ATP8B1: variants seen among roughly 807,000 people sequenced by gnomAD.
The protein encoded by ATP8B1 is ATPase phospholipid transporting 8B1.
A neutral mutation model predicts 149.9 loss-of-function variants in ATP8B1; 80 were observed. That is an observed-to-expected ratio of 0.53 (90% CI 0.45 to 0.64). ATP8B1 has a LOEUF of 0.64. Among genes scored for constraint, ATP8B1 ranks in the 30% least tolerant of loss-of-function variants. ATP8B1 has a pLI of 0.00. For missense variants in ATP8B1, 1,247 were observed against 1,552.6 expected, an observed-to-expected ratio of 0.80 and a Z score of 3.31; for synonymous variants, 536 against 562.8, an observed-to-expected ratio of 0.95 and a Z score of 0.67.
chr18:57,727,037 G>T (rs1473245533), intron 2 of ATP8B1, among the ~76,000 whole-genome samples: 2 of 152,090 alleles, frequency 1.3e-5, no homozygotes, highest in Middle Eastern at 3.2e-3. Flanking sequence ...CTGAGATCAC[G>T]CCACTTCACT....
intron 2 of ATP8B1, among the ~76,000 whole-genome samples, chr18:57,713,211 CCTTCCTTCCTTCCTTCCTTCCT>C (rs1913800452): frequency 8.0e-6 from 1 of 125,758 alleles, no homozygotes; most frequent in African/African-American, 3.2e-5. Context: ...TTCCTTCCTT[CCTTCCTTCCTTCCTTCCTTCCT>C]TCCTTCCTTC....
intron 1 of ATP8B1, chr18:57,740,764 T>A (rs539165911): frequency 6.6e-6 from 1 of 152,186 alleles, no homozygotes; most frequent in South Asian, 2.1e-4. Context: ...TTAGTAGAGA[T>A]GAGGTCTTGC....
chr18:57,649,322 A>G (rs939599146), intron 27 of ATP8B1, among the ~76,000 whole-genome samples: 3 of 152,104 alleles, frequency 2.0e-5, no homozygotes, highest in Admixed American at 2.0e-4. Context: ...ACCTGGAGAT[A>G]TATATTGAAG....
At chr18:57,736,453 GTTTTTTTT>G (rs71171079) in intron 1 of ATP8B1, among the ~76,000 whole-genome samples, 3 of 70,142 alleles carry the variant, frequency 4.3e-5, no homozygotes, top group African/African-American at 1.0e-4. Flanking sequence ...AGTTTTACTA[GTTTTTTTT>G]TTTTTTTTTT....
At chr18:57,756,089 A>G (rs1362052494) in intron 1 of ATP8B1, among the ~76,000 whole-genome samples, 1 of 150,552 alleles carries the variant, frequency 6.6e-6, no homozygotes, top group African/African-American at 2.5e-5. Context: ...CATTGACCCA[A>G]TGATGTCAGT....
In ATP8B1 at chr18:57,680,613, A is replaced by AC. The variant is rs1276207599; in HGVS notation, c.1630+3422_1630+3423insG. 6.6e-4 allele frequency among the ~76,000 whole-genome samples: 99 copies of AC among 150,706 alleles called. 2 individuals carry two copies. The highest frequency in any genetic ancestry group is 2.2e-3 in the African/African-American group (92 of 40,936). ...AACAAAACAAAACAAAACAAAACAA[A>AC]ACAAAAAAAAAACCACACACGCTCA... On this transcript the variant is annotated intron_variant, in intron 15 of 27. Transcript: ENST00000648908.
intron 2 of ATP8B1, among the ~76,000 whole-genome samples, chr18:57,724,620 T>C (rs1251253278): frequency 6.7e-6 from 1 of 149,456 alleles, no homozygotes; most frequent in Non-Finnish European, 1.5e-5. Flanking sequence ...GGAGAGGATG[T>C]GGAGAAATAG....
intron 2 of ATP8B1, among the ~76,000 whole-genome samples, chr18:57,727,891 C>G (rs2079724658): frequency 6.6e-6 from 1 of 152,202 alleles, no homozygotes; most frequent in Non-Finnish European, 1.5e-5. Flanking sequence ...AACGACAGAG[C>G]TCATCCCATA....
Position 57,789,581 on chromosome 18 carries a change from C to T in ATP8B1, c.-26+13417G>A, listed in dbSNP as rs1488868122. Among the ~76,000 whole-genome samples the T allele has an allele frequency of 4.6e-5, 7 of 152,250 alleles. No homozygotes were observed. In the East Asian group the frequency reaches 5.8e-4, roughly 13 times the overall value. On this transcript the variant is annotated intron_variant, in intron 1 of 27. Transcript: ENST00000648908. ...GGCCACACAAGCCAATTTTAAAAGT[C>T]GGTTTTCCACAAGAAATTCCCTGGC... is the stretch of plus-strand genomic sequence containing the variant.
intron 16 of ATP8B1, 132 bp downstream of exon 16, chr18:57,674,702 G>T: frequency 9.3e-7 from 1 of 1,077,516 alleles, no homozygotes; most frequent in South Asian, 1.3e-5. Flanking sequence ...ACCAGTTTCA[G>T]TAAAGCTGCA....
intron 1 of ATP8B1, among the ~76,000 whole-genome samples, chr18:57,748,855 A>G (rs1486517731): frequency 3.3e-5 from 5 of 152,216 alleles, no homozygotes; most frequent in Non-Finnish European, 7.3e-5. Flanking sequence ...AGTTATTTGC[A>G]GAGAATAATC....
intron 2 of ATP8B1, among the ~76,000 whole-genome samples, chr18:57,717,616 C>T (rs2079596479): frequency 7.6e-6 from 1 of 131,888 alleles, no homozygotes; most frequent in Non-Finnish European, 1.6e-5. Flanking sequence ...GCAAACCAAA[C>T]CCAAAGTTAC....
chr18:57,670,355 C>CTTTTTTTT (rs370444079), intron 17 of ATP8B1, among the ~76,000 whole-genome samples: 4 of 139,696 alleles, frequency 2.9e-5, no homozygotes, highest in Non-Finnish European at 6.2e-5. Context: ...TTTTCTTTTT[C>CTTTTTTTT]TTTTTTTTTT....
intron 1 of ATP8B1, among the ~76,000 whole-genome samples, chr18:57,758,111 A>T (rs28635919): frequency 4.3e-4 from 65 of 152,072 alleles, no homozygotes; most frequent in African/African-American, 1.5e-3. Context: ...CTCCCACCTC[A>T]GTCTCCCGAA....
intron 1 of ATP8B1, among the ~76,000 whole-genome samples, chr18:57,778,231 T>TC (rs1333359897): frequency 1.3e-4 from 19 of 147,670 alleles, no homozygotes; most frequent in South Asian, 8.5e-4. Flanking sequence ...TCTTTTTCTT[T>TC]TTTTTTTTTT....
At chr18:57,781,801 G>A (rs1354382348) in intron 1 of ATP8B1, among the ~76,000 whole-genome samples, 1 of 152,016 alleles carries the variant, frequency 6.6e-6, no homozygotes, top group Non-Finnish European at 1.5e-5. Flanking sequence ...AACAACATAA[G>A]GATACCCCTG....
chr18:57,703,630 GC>G (rs1444884684), intron 4 of ATP8B1, among the ~76,000 whole-genome samples: 2 of 151,004 alleles, frequency 1.3e-5, no homozygotes, highest in Non-Finnish European at 2.9e-5. Flanking sequence ...CTGAGCTTAA[GC>G]TATGTAATCC....
chr18:57,704,300 AT>A (rs1461252377), intron 4 of ATP8B1, among the ~76,000 whole-genome samples: 1 of 152,150 alleles, frequency 6.6e-6, no homozygotes, highest in Non-Finnish European at 1.5e-5. Flanking sequence ...AGGGATACCA[AT>A]TTTAACACCC....
intron 1 of ATP8B1, among the ~76,000 whole-genome samples, chr18:57,783,524 CAAG>C (rs1192422057): frequency 1.3e-5 from 2 of 152,024 alleles, no homozygotes; most frequent in African/African-American, 4.8e-5. Flanking sequence ...CTGATATTCA[CAAG>C]AAGAGACAAT....
Sources: gnomAD v4.1 joint callset for allele counts (sites outside exome capture counted in the v4.1 genomes callset) on GRCh38, gnomAD v4.1.1 for gene constraint, MANE v1.5 for transcripts, NCBI Gene and HGNC (gene_info 2026-07-23, HGNC 2026-07-21) for gene names.